IGF2R: variants seen among roughly 807,000 people sequenced by gnomAD.
IGF2R encodes cation-independent mannose-6-phosphate receptor.
In IGF2R, 91 loss-of-function variants were observed where a neutral mutation model predicts 270.6. The ratio of observed to expected loss-of-function variants is 0.34; its 90% CI spans 0.28 to 0.40. IGF2R has a LOEUF of 0.40. Among genes scored for constraint, IGF2R ranks in the 10% least tolerant of loss-of-function variants. The pLI, the probability that IGF2R is intolerant of heterozygous loss-of-function variation, is 1.00. For missense variants in IGF2R, 2,805 were observed against 3,188.3 expected (o/e 0.88, Z 2.90); for synonymous variants, 1,316 against 1,258.9 (o/e 1.05, Z -0.96).
chr6:160,072,701 T>C, intron 32 of IGF2R, 64 bp from the exon 33 acceptor site: 3 of 1,597,000 alleles, frequency 1.9e-6, no homozygotes, highest in Non-Finnish European at 2.6e-6. Flanking sequence ...AGCTCGCCGA[T>C]GATGAGCCTC....
At chr6:160,048,025 G>A in intron 17 of IGF2R, 118 bp downstream of exon 17, 1 of 743,176 alleles carries the variant, frequency 1.3e-6, no homozygotes, top group South Asian at 1.5e-5. Flanking sequence ...TGGGGCTGCA[G>A]GACCAAGGTG....
intron 2 of IGF2R, chr6:160,005,884 TGCGCCTCCCCGGTCCTCA>T: frequency 6.4e-6 from 1 of 155,260 alleles, no homozygotes; most frequent in Admixed American, 6.6e-5. Flanking sequence ...CTGGGCCTCT[TGCGCCTCCCCGGTCCTCA>T]GCGCCTCCTC....
At chr6:160,083,878 C>A in intron 39 of IGF2R, 72 bp from the exon 40 acceptor site, 1 of 1,034,552 alleles carries the variant, frequency 9.7e-7, no homozygotes, top group South Asian at 1.3e-5. Flanking sequence ...AAAATGGAGT[C>A]TCTTATGTCT....
chr6:159,980,210 A>G (rs1348604435), intron 1 of IGF2R, among the ~76,000 whole-genome samples: 6 of 95,128 alleles, frequency 6.3e-5, no homozygotes, highest in East Asian at 1.6e-3. Context: ...AAAGAAAGAA[A>G]GAAAGAAAGA....
At chr6:160,010,586 GCTTT>G in intron 3 of IGF2R, 97 bp from the exon 4 acceptor site, 2 of 748,158 alleles carry the variant, frequency 2.7e-6, no homozygotes, top group Non-Finnish European at 4.5e-6. Flanking sequence ...TCTTGCTGCT[GCTTT>G]CTTTATTTTA....
chr6:160,081,075 G>A (rs1778971060), intron 39 of IGF2R, among the ~76,000 whole-genome samples: 1 of 150,948 alleles, frequency 6.6e-6, no homozygotes, highest in African/African-American at 2.4e-5. Context: ...GCAGTGAGCC[G>A]AGATCATGCC....
At position 159,989,061 on chromosome 6, in the gene IGF2R, C is replaced by T. The variant is rs183288740; in HGVS notation, c.150-2123C>T. ...AAAGCTGAGCTGAGGAGTCATACCC[C>T]GAGGGTATCACCCTAAGATTGGGCA... is the stretch of plus-strand genomic sequence containing the variant. On this transcript the variant is annotated intron_variant, in intron 1 of 47. Coordinates refer to ENST00000356956, the MANE Select transcript of IGF2R (RefSeq NM_000876.4). 4.3e-3 allele frequency among the ~76,000 whole-genome samples: 657 copies of T among 152,218 alleles called. 5 individuals are homozygous for T. Among genetic ancestry groups the T allele is most frequent in the African/African-American group, 0.014 (568 of 41,520 alleles).
intron 29 of IGF2R, among the ~76,000 whole-genome samples, 186 bp from the exon 30 acceptor site, chr6:160,068,063 G>GTGT (rs1778624220): frequency 6.3e-5 from 6 of 95,264 alleles, no homozygotes; most frequent in African/African-American, 1.2e-4. Context: ...ATTCTGATGG[G>GTGT]GGGTGTGTGT....
chr6:159,994,522 C>T (rs12213092), intron 2 of IGF2R, among the ~76,000 whole-genome samples: 2,385 of 151,430 alleles, frequency 0.016, 29 homozygotes, highest in Non-Finnish European at 0.023. Flanking sequence ...TTTCTAGTGC[C>T]ATGAGGGTTA....
chr6:160,088,224 G>A (rs1480748288), intron 42 of IGF2R, 77 bp downstream of exon 42: 2 of 958,006 alleles, frequency 2.1e-6, no homozygotes, highest in South Asian at 1.3e-5. Flanking sequence ...GTTTTCATGG[G>A]CAGGTTTTGG....
At chr6:160,083,409 G>A (rs1351319361) in intron 39 of IGF2R, among the ~76,000 whole-genome samples, 1 of 152,160 alleles carries the variant, frequency 6.6e-6, no homozygotes, top group Non-Finnish European at 1.5e-5. Context: ...GTTCCCAGGG[G>A]CAAGCAGGAG....
intron 44 of IGF2R, among the ~76,000 whole-genome samples, chr6:160,090,826 G>C (rs919416882): frequency 3.3e-5 from 5 of 152,100 alleles, no homozygotes; most frequent in African/African-American, 1.2e-4. Flanking sequence ...TAGCTGAGAA[G>C]GAGCAGGTGC....
chr6:160,087,286 A>G (rs776273198), intron 41 of IGF2R, among the ~76,000 whole-genome samples: 1 of 152,314 alleles, frequency 6.6e-6, no homozygotes, highest in Middle Eastern at 3.4e-3. Flanking sequence ...CTGTCAGGAA[A>G]GCACCTAATA....
intron 21 of IGF2R, among the ~76,000 whole-genome samples, chr6:160,058,679 T>C (rs1471005434): frequency 1.3e-5 from 2 of 152,218 alleles, no homozygotes; most frequent in Non-Finnish European, 2.9e-5. Flanking sequence ...CGGGGATGTA[T>C]GAATTTAAAT....
intron 31 of IGF2R, among the ~76,000 whole-genome samples, chr6:160,071,618 C>T (rs1223372444): frequency 6.6e-6 from 1 of 152,190 alleles, no homozygotes; most frequent in Non-Finnish European, 1.5e-5. Context: ...CCTTTGCACG[C>T]CTGTCCCCAA....
intron 5 of IGF2R, among the ~76,000 whole-genome samples, chr6:160,025,839 G>A (rs550317539): frequency 2.4e-4 from 37 of 152,256 alleles, no homozygotes; most frequent in African/African-American, 7.0e-4. Flanking sequence ...GGAATAATAC[G>A]CTATTTTGAT....
At chr6:160,064,973 C>A in intron 29 of IGF2R, 72 bp downstream of exon 29, 1 of 998,618 alleles carries the variant, frequency 1.0e-6, no homozygotes, top group Non-Finnish European at 1.6e-6. Context: ...AATTAGTGGT[C>A]TTGGGTGCAG....
In IGF2R at chr6:159,991,280, T is replaced by A. The variant is rs1379984775; in HGVS notation, c.246T>A (p.Ala82=). Residue 82 remains alanine, a synonymous_variant, in exon 2 of 48, where the codon GCT becomes GCA. Coordinates refer to ENST00000356956, the MANE Select transcript of IGF2R (RefSeq NM_000876.4). ...TTGTCCAGTGCGGGCCATCAAGTGC[T>A]GTTTGTATGCACGACTTGAAGACAC... The part of the protein sequence containing the change: ...VDIVQCGPSS[A]VCMHDLKTRT... 5.6e-6 allele frequency: 9 copies of A among 1,613,752 alleles called. No homozygotes were observed. The highest frequency in any genetic ancestry group is 7.6e-6 in the Non-Finnish European group (9 of 1,179,876).
chr6:160,002,224 C>T (rs1201377135), intron 2 of IGF2R, among the ~76,000 whole-genome samples: 3 of 152,000 alleles, frequency 2.0e-5, no homozygotes, highest in Non-Finnish European at 4.4e-5. Flanking sequence ...AACCCCATCT[C>T]TGCAAAAAAT....
Sources: gnomAD v4.1 joint callset for allele counts (sites outside exome capture counted in the v4.1 genomes callset) on GRCh38, gnomAD v4.1.1 for gene constraint, MANE v1.5 for transcripts, NCBI Gene and HGNC (gene_info 2026-07-23, HGNC 2026-07-21) for gene names.